Variants in ADAM19 observed in about 807,000 individuals in gnomAD.
The protein encoded by ADAM19 is ADAM metallopeptidase domain 19.
ADAM19 carries 65 observed loss-of-function variants against 114.7 expected under a neutral mutation model. That is an observed-to-expected ratio of 0.57 (90% confidence interval 0.46 to 0.70). The LOEUF (loss-of-function observed/expected upper bound fraction) is 0.70, where lower values mean the gene tolerates loss of function less well. Among genes scored for constraint, ADAM19 ranks in the 30% least tolerant of loss-of-function variants. The pLI is 0.00. For missense variants in ADAM19, 1,063 were observed against 1,204.7 expected, an observed-to-expected ratio of 0.88 and a Z score of 1.74; for synonymous variants, 466 against 460.5, an observed-to-expected ratio of 1.01 and a Z score of -0.15.
chr5:157,563,317 C>G (rs1323231143), intron 3 of ADAM19, among the ~76,000 whole-genome samples: 1 of 152,210 alleles, frequency 6.6e-6, no homozygotes, highest in East Asian at 1.9e-4. Flanking sequence ...TGAAGCCCCA[C>G]CACTGCACAA....
intron 3 of ADAM19, among the ~76,000 whole-genome samples, chr5:157,553,687 C>T (rs975585242): frequency 2.0e-5 from 3 of 152,142 alleles, no homozygotes; most frequent in Non-Finnish European, 2.9e-5. Context: ...ATGTACAATC[C>T]TATTGCTAGG....
intron 13 of ADAM19, among the ~76,000 whole-genome samples, chr5:157,499,027 A>T (rs903287247): frequency 6.6e-6 from 1 of 152,134 alleles, no homozygotes; most frequent in African/African-American, 2.4e-5. Flanking sequence ...TCTCACATCA[A>T]TATTAGGAAT....
rs1273959265 is a variant in ADAM19, at chr5:157,478,986, T to C, written c.*1963A>G. The C allele has an allele frequency of 2.0e-6, 2 of 985,496 alleles. No individual in the cohort carries two copies. Among genetic ancestry groups the C allele is most frequent in the South Asian group, 4.7e-5 (1 of 21,298 alleles). 61.0% of individuals were successfully genotyped at this position (985,496 alleles called of 1,614,324 possible). A position where few individuals can be genotyped will look rare whatever the true frequency, so the allele number is the denominator to read the frequency against. On this transcript the variant is annotated 3_prime_UTR_variant, in exon 23 of 23. Transcript: ENST00000257527. ...GGTTTTGAGGATGTTGCTTGTTTGT[T>C]TTGCAGAGGGGTGAAAGGGGATGTT...
Position 157,493,966 on chromosome 5 carries a change from G to A in ADAM19, c.1703+721C>T, listed in dbSNP as rs150984768. Reference sequence around the variant, plus strand: ...CGAGGTAACTGCTCCAGATCTCAGTGTAGGTATAACTTCCTTTGGGAAACC... The same window carrying A: ...CGAGGTAACTGCTCCAGATCTCAGTATAGGTATAACTTCCTTTGGGAAACC... On this transcript the variant is annotated intron_variant, in intron 15 of 22. Coordinates refer to ENST00000257527, the MANE Select transcript of ADAM19 (RefSeq NM_033274.5). Among the ~76,000 whole-genome samples the A allele has an allele frequency of 1.3e-3, 194 of 152,304 alleles. 1 individual carries two copies. The highest frequency in any genetic ancestry group is 4.3e-3 in the Admixed American group (65 of 15,292).
chr5:157,495,047 T>G (rs1172615920), intron 14 of ADAM19, among the ~76,000 whole-genome samples: 1 of 152,128 alleles, frequency 6.6e-6, no homozygotes, highest in African/African-American at 2.4e-5. Context: ...TGTAATACAG[T>G]GGCACAATCA....
chr5:157,552,504 C>T (rs1757228098), intron 3 of ADAM19, among the ~76,000 whole-genome samples: 1 of 151,570 alleles, frequency 6.6e-6, no homozygotes, highest in African/African-American at 2.4e-5. Flanking sequence ...AAGGTGAAAC[C>T]CCGTCTCTAC....
At chr5:157,575,056 G>C (rs1757934984) in intron 1 of ADAM19, among the ~76,000 whole-genome samples, 1 of 152,304 alleles carries the variant, frequency 6.6e-6, no homozygotes, top group African/African-American at 2.4e-5. Flanking sequence ...GAAGTGTGTG[G>C]CTGCAGATAC....
intron 3 of ADAM19, among the ~76,000 whole-genome samples, chr5:157,538,537 AG>A (rs1482043211): frequency 6.6e-6 from 1 of 152,242 alleles, no homozygotes; most frequent in East Asian, 1.9e-4. Flanking sequence ...AACAGATGGA[AG>A]CAATGCATCT....
chr5:157,483,482 C>A (rs1405630202), intron 21 of ADAM19, among the ~76,000 whole-genome samples: 2 of 152,042 alleles, frequency 1.3e-5, no homozygotes, highest in Non-Finnish European at 2.9e-5. Context: ...TTAGGTGGAA[C>A]AAACAAGCTG....
intron 3 of ADAM19, among the ~76,000 whole-genome samples, chr5:157,548,597 T>C (rs1757108469): frequency 6.6e-6 from 1 of 152,316 alleles, no homozygotes; most frequent in East Asian, 1.9e-4. Flanking sequence ...CAGAAGACTA[T>C]TCACTTAGTT....
At chr5:157,563,775 T>C (rs190763913) in intron 3 of ADAM19, among the ~76,000 whole-genome samples, 9 of 152,282 alleles carry the variant, frequency 5.9e-5, no homozygotes, top group Admixed American at 4.6e-4. Context: ...CAGATATGAC[T>C]GCATCTGATG....
chr5:157,490,881 G>T (rs570479205), intron 18 of ADAM19, among the ~76,000 whole-genome samples: 2 of 130,956 alleles, frequency 1.5e-5, no homozygotes, highest in African/African-American at 5.7e-5. Flanking sequence ...GACAGAGCAA[G>T]ACTCCGTCTC....
At chr5:157,558,040 C>A (rs1757414028) in intron 3 of ADAM19, among the ~76,000 whole-genome samples, 1 of 152,200 alleles carries the variant, frequency 6.6e-6, no homozygotes. Context: ...ATGGGAAATG[C>A]AAATGAAATC....
chr5:157,505,599 G>A, intron 11 of ADAM19, 70 bp downstream of exon 11: 1 of 1,519,322 alleles, frequency 6.6e-7, no homozygotes, highest in Non-Finnish European at 8.9e-7. Flanking sequence ...CAGCTGGGAG[G>A]AACCCCTGGG....
intron 12 of ADAM19, among the ~76,000 whole-genome samples, 169 bp from the exon 13 acceptor site, chr5:157,499,831 C>T (rs1197234408): frequency 6.9e-6 from 1 of 144,444 alleles, no homozygotes; most frequent in Non-Finnish European, 1.5e-5. Context: ...GGCTGGAGTG[C>T]AGTGATGCAA....
At chr5:157,515,319 G>A (rs1756060081) in intron 7 of ADAM19, among the ~76,000 whole-genome samples, 1 of 152,210 alleles carries the variant, frequency 6.6e-6, no homozygotes, top group Non-Finnish European at 1.5e-5. Flanking sequence ...ATCAGGGCCA[G>A]ATTTCATTGT....
intron 5 of ADAM19, among the ~76,000 whole-genome samples, chr5:157,521,907 T>A (rs186054089): frequency 1.5e-3 from 231 of 152,340 alleles, no homozygotes; most frequent in African/African-American, 5.1e-3. Context: ...AACCAGCTGA[T>A]GGTTCTGTGT....
chr5:157,575,596 C>A lies in ADAM19; in HGVS notation c.94+7G>T. On this transcript the variant is annotated splice_region_variant and intron_variant, in intron 1 of 22. Transcript: ENST00000257527. ...CAGCCTCCATCCCCCCGCGCCTGGCCACTTACTTGTCCATCCAGGCTCCCG... is the reference window on the plus strand; with the variant it reads ...CAGCCTCCATCCCCCCGCGCCTGGCAACTTACTTGTCCATCCAGGCTCCCG... 1 of 1,464,346 alleles carries A rather than the reference C, an allele frequency of 6.8e-7. No homozygotes were observed. The highest frequency in any genetic ancestry group is 1.3e-5 in the South Asian group (1 of 76,716). The allele number at this position is 1,464,346 out of a possible 1,614,324, so 90.7% of individuals were successfully genotyped here.
At chr5:157,533,941 C>A (rs1306879199) in intron 4 of ADAM19, among the ~76,000 whole-genome samples, 1 of 151,888 alleles carries the variant, frequency 6.6e-6, no homozygotes, top group Non-Finnish European at 1.5e-5. Flanking sequence ...GCACTCCAGC[C>A]TGGTGACCGA....
Sources: allele counts gnomAD v4.1 joint callset (sites outside exome capture counted in the v4.1 genomes callset), GRCh38; gene constraint gnomAD v4.1.1; transcripts MANE v1.5; gene names NCBI Gene and HGNC (gene_info 2026-07-23, HGNC 2026-07-21).